The following GABRD variants were observed in gnomAD, a reference collection of about 807,000 sequenced individuals.
The protein encoded by GABRD is gamma-aminobutyric acid type A receptor subunit delta.
Under a neutral mutation model 47.3 loss-of-function variants are expected in GABRD, and 25 were observed. The observed-to-expected ratio is 0.53, with a 90% CI of 0.39 to 0.74. The LOEUF is 0.74. GABRD is among the 30% of genes least tolerant of loss of function. GABRD has a pLI of 0.00. For missense variants in GABRD, 497 were observed against 643.4 expected, an observed-to-expected ratio of 0.77 and a Z score of 2.46; for synonymous variants, 314 against 278.8, an observed-to-expected ratio of 1.13 and a Z score of -1.26.
At chr1:2,019,933 A>C (rs1413516802) in intron 1 of GABRD, among the ~76,000 whole-genome samples, 1 of 152,144 alleles carries the variant, frequency 6.6e-6, no homozygotes, top group Non-Finnish European at 1.5e-5. Context: ...CCGTTCCCCC[A>C]GTGAGCTTCC....
intron 7 of GABRD, 134 bp downstream of exon 7, chr1:2,029,400 C>A: frequency 7.1e-7 from 1 of 1,417,864 alleles, no homozygotes; most frequent in South Asian, 1.3e-5. Context: ...GCCAGCCGGG[C>A]CAGGCCAGGT....
At chr1:2,020,463 C>T (rs994505671) in intron 1 of GABRD, among the ~76,000 whole-genome samples, 3 of 152,196 alleles carry the variant, frequency 2.0e-5, no homozygotes, top group South Asian at 2.1e-4. Context: ...CAACACGGGG[C>T]GGTGTGTCAG....
intron 4 of GABRD, 21 bp downstream of exon 4, chr1:2,025,759 G>C: frequency 3.7e-6 from 6 of 1,600,972 alleles, no homozygotes; most frequent in Non-Finnish European, 5.1e-6. Flanking sequence ...TGCCCACCCG[G>C]ACTCCGGGGG....
chr1:2,023,514 G>A (rs1475414884), intron 1 of GABRD: 1 of 152,572 alleles, frequency 6.6e-6, no homozygotes, highest in Non-Finnish European at 1.5e-5. Context: ...GGAGGCCTGG[G>A]ACTGTGCTCT....
chr1:2,025,748 C>T lies in GABRD; in HGVS notation c.470+10C>T, dbSNP rs760581006. Reference sequence around the variant, plus strand: ...TCCTGTACAGCATCCGGTGAGCGGGCTGCCCACCCGGACTCCGGGGGAGAG... The same window carrying T: ...TCCTGTACAGCATCCGGTGAGCGGGTTGCCCACCCGGACTCCGGGGGAGAG... On this transcript the variant is annotated intron_variant, in intron 4 of 8. Transcript: ENST00000378585. The T allele has an allele frequency of 6.6e-5, 106 of 1,608,272 alleles. No homozygotes were observed. Among genetic ancestry groups the T allele is most frequent in the Non-Finnish European group, 8.5e-5 (100 of 1,176,490 alleles).
intron 1 of GABRD, among the ~76,000 whole-genome samples, chr1:2,020,138 C>T (rs1658735328): frequency 6.6e-6 from 1 of 152,188 alleles, no homozygotes; most frequent in Non-Finnish European, 1.5e-5. Flanking sequence ...GGGAGGGACT[C>T]CCCAGAGAAG....
Position 2,028,757 on chromosome 1 carries a change from C to A in GABRD, c.692-354C>A, listed in dbSNP as rs1659001166. On this transcript the variant is annotated intron_variant, in intron 6 of 8. Transcript: ENST00000378585. The surrounding 1 kb of genome is among the most constrained non-coding windows in gnomAD (Gnocchi z 6.4). ...GAGCCAGTGAGCCCAGTGCTGGCTC[C>A]TTCCAGAGCCTGGCTGTGCCCGCAG... Among the ~76,000 whole-genome samples, 1 of 152,228 alleles carries A rather than the reference C, an allele frequency of 6.6e-6. No individual in the cohort carries two copies. The highest frequency in any genetic ancestry group is 2.4e-5 in the African/African-American group (1 of 41,468).
rs760757497 is a variant in GABRD at position 2,029,569 on chromosome 1, CGAT to C, written c.869_871del (p.Met290del). ...CCGGCAGGCATCACCACGGTGCTGACGATGACCACGCTCATGGTCAGTGCCCGC... is the reference window on the plus strand; with the variant it reads ...CCGGCAGGCATCACCACGGTGCTGACGACCACGCTCATGGTCAGTGCCCGC... On this transcript the variant is annotated inframe_deletion, in exon 8 of 9. Transcript: ENST00000378585. 6.8e-6 allele frequency: 11 copies of C among 1,612,804 alleles called. No individual in the cohort carries two copies. Among genetic ancestry groups the C allele is most frequent in the South Asian group, 2.2e-5 (2 of 91,090 alleles).
intron 4 of GABRD, 139 bp downstream of exon 4, chr1:2,025,877 G>A (rs1306533480): frequency 1.3e-5 from 9 of 681,236 alleles, no homozygotes; most frequent in Non-Finnish European, 2.2e-5. Flanking sequence ...GGGGGCAGAA[G>A]CTGCGCGGTT....
rs1557445038 is a variant in GABRD, at chr1:2,025,120, G to A, written c.181+66G>A. On this transcript the variant is annotated intron_variant, in intron 2 of 8. Transcript: ENST00000378585. ...GCCCAGGCTAGGCCGTGGCTGTGTG[G>A]CCCACTGGGCTGTAGGCTGGCCTCT... 4 of 1,419,492 alleles carry A rather than the reference G, an allele frequency of 2.8e-6. No homozygotes were observed. In the Admixed American group the frequency reaches 7.5e-5, roughly 27 times the overall value. 87.9% of individuals were successfully genotyped at this position (1,419,492 alleles called of 1,614,324 possible).
At chr1:2,024,714 G>A (rs916306351) in intron 1 of GABRD, 10 of 419,032 alleles carry the variant, frequency 2.4e-5, no homozygotes, top group African/African-American at 1.8e-4. Context: ...GGCCGGAGGA[G>A]GAAGCCAGGT....
Position 2,028,438 on chromosome 1 carries a change from A to C in GABRD, c.691+146A>C, listed in dbSNP as rs896399374. On this transcript the variant is annotated intron_variant, in intron 6 of 8. Coordinates refer to ENST00000378585, the MANE Select transcript of GABRD (RefSeq NM_000815.5). The surrounding 1 kb of genome is among the most constrained non-coding windows in gnomAD (Gnocchi z 6.4). ...TTTAGTCAAGCGCCCGCAGGCCCCC[A>C]GGGCCTCTGGGGATGCAGCTGGGAC... 1.8e-5 allele frequency: 16 copies of C among 910,550 alleles called. No homozygotes were observed. The highest frequency in any genetic ancestry group is 2.4e-5 in the Non-Finnish European group (16 of 675,256). 56.4% of individuals were successfully genotyped at this position (910,550 alleles called of 1,614,324 possible). A position where few individuals can be genotyped will look rare whatever the true frequency, so the allele number is the denominator to read the frequency against.
In GABRD at chr1:2,029,678, G is replaced by A. The variant is rs1659029221; in HGVS notation, c.975G>A (p.Leu325=). ...WICYVFVFAA[L]VEYAFAHFNA... ...GCTATGTCTTCGTGTTTGCCGCCCT[G>A]GTGGAGTACGCCTTTGCTCATTTCA... Residue 325 remains leucine (L), a synonymous_variant, in exon 8 of 9, where the codon CTG becomes CTA. Coordinates refer to ENST00000378585, the MANE Select transcript of GABRD (RefSeq NM_000815.5). 3 of 1,613,474 alleles carry A rather than the reference G, an allele frequency of 1.9e-6. No homozygotes were observed. The South Asian group carries it at 3.3e-5, about 18-fold the overall frequency.
Position 2,025,747 on chromosome 1 carries a change from G to T in GABRD, c.470+9G>T. 1 of 1,609,288 alleles carries T rather than the reference G, an allele frequency of 6.2e-7. No individual in the cohort carries two copies. Among genetic ancestry groups the T allele is most frequent in the Non-Finnish European group, 8.5e-7 (1 of 1,177,164 alleles). ...ATCCTGTACAGCATCCGGTGAGCGG[G>T]CTGCCCACCCGGACTCCGGGGGAGA... On this transcript the variant is annotated intron_variant, in intron 4 of 8. Transcript: ENST00000378585.
chr1:2,027,944 C>T lies in GABRD; in HGVS notation c.554-211C>T, dbSNP rs370289743. The stretch of plus-strand genomic sequence containing the variant: ...GCAGCCCCTGTGTGTCACCTGACAA[C>T]GGTGACCCCATCTGTGTCCCATCCA... On this transcript the variant is annotated intron_variant, in intron 5 of 8. Transcript: ENST00000378585. 511 of 619,250 alleles carry T rather than the reference C, an allele frequency of 8.3e-4. 9 individuals are homozygous for T. In the South Asian group the frequency reaches 9.2e-3, roughly 11 times the overall value. 38.4% of individuals were successfully genotyped at this position (619,250 alleles called of 1,614,324 possible).
chr1:2,025,161 G>A, intron 2 of GABRD, 107 bp downstream of exon 2: 2 of 1,270,116 alleles, frequency 1.6e-6, no homozygotes, highest in Non-Finnish European at 2.2e-6. Flanking sequence ...AGGAAGCCTG[G>A]CTCTCCCCTG....
intron 2 of GABRD, 105 bp from the exon 3 acceptor site, chr1:2,025,229 G>T: frequency 7.1e-7 from 1 of 1,413,106 alleles, no homozygotes; most frequent in Non-Finnish European, 1.0e-6. Flanking sequence ...CAGCTTCTCA[G>T]GCCATGATGG....
chr1:2,019,970 A>T (rs1483639912), intron 1 of GABRD, among the ~76,000 whole-genome samples: 2 of 152,166 alleles, frequency 1.3e-5, no homozygotes, highest in African/African-American at 4.8e-5. Context: ...GGACGGACGG[A>T]GGAGGCTGTC....
chr1:2,025,510 C>G lies in GABRD; in HGVS notation c.250-8C>G. Reference sequence around the variant, plus strand: ...GGCTGACCCCCGGCCCCTGTGCCACCTCCACAGGAGTACACCATGACGGTG... The same window carrying G: ...GGCTGACCCCCGGCCCCTGTGCCACGTCCACAGGAGTACACCATGACGGTG... On this transcript the variant is annotated splice_region_variant and splice_polypyrimidine_tract_variant and intron_variant, in intron 3 of 8. Transcript: ENST00000378585. The G allele has an allele frequency of 1.2e-6, 2 of 1,612,342 alleles. No homozygotes were observed. Among genetic ancestry groups the G allele is most frequent in the Non-Finnish European group, 1.7e-6 (2 of 1,179,376 alleles).
Sources: allele counts gnomAD v4.1 joint callset (sites outside exome capture counted in the v4.1 genomes callset), GRCh38; gene constraint gnomAD v4.1.1; non-coding constraint Gnocchi (gnomAD v3.1); transcripts MANE v1.5; gene names NCBI Gene and HGNC (gene_info 2026-07-23, HGNC 2026-07-21).